The following PABPN1 variants were observed in gnomAD, a reference collection of about 807,000 sequenced individuals.
The protein encoded by PABPN1 is poly(A) binding protein nuclear 1.
PABPN1 carries 5 observed loss-of-function variants against 33.4 expected under a neutral mutation model. The observed-to-expected ratio is 0.15, with a 90% CI of 0.08 to 0.32. The LOEUF is 0.32. PABPN1 is among the 10% of genes least tolerant of loss of function. The pLI is 1.00. For missense variants in PABPN1, 312 were observed against 425.8 expected, an observed-to-expected ratio of 0.73 and a Z score of 2.35; for synonymous variants, 176 against 170.6, an observed-to-expected ratio of 1.03 and a Z score of -0.25.
chr14:23,324,251 CA>C lies in PABPN1; in HGVS notation c.844del (p.Ser282ValfsTer31). 6.2e-7 allele frequency: 1 copy of C among 1,614,046 alleles called. No homozygotes were observed. ...ACAACAGCTCCCGCTCTCGATTCTA[CA>C]GTGGTTTTAACAGCAGGCCCCGGGG... ...NYNSSRSRFYSGFNSRPRGRV... is the reference protein window; with the variant it reads ...NYNSSRSRFYXGFNSRPRGRV... On this transcript the variant is annotated frameshift_variant, in exon 6 of 7. Transcript: ENST00000216727. LOFTEE classifies it high-confidence loss of function.
At chr14:23,322,500 C>G (rs1251772489) in intron 2 of PABPN1, 2 of 605,448 alleles carry the variant, frequency 3.3e-6, no homozygotes, top group Non-Finnish European at 6.0e-6. Context: ...CCTTGTGCCT[C>G]CCTTTGTGCC....
rs1329497188 is a variant in PABPN1 at position 23,325,366 on chromosome 14, AAAAC to A, written c.*82_*85del. On this transcript the variant is annotated 3_prime_UTR_variant, in exon 7 of 7. Coordinates refer to ENST00000216727, the MANE Select transcript of PABPN1 (RefSeq NM_004643.4). ...AAAAGAATTAAAAAAAAAAAAAAGA[AAAAC>A]AGAAGATGACCTTGATGGAAAAAAA... is the stretch of plus-strand genomic sequence containing the variant. 6.8e-7 allele frequency: 1 copy of A among 1,481,112 alleles called. No homozygotes were observed. Among genetic ancestry groups the A allele is most frequent in the Non-Finnish European group, 9.1e-7 (1 of 1,102,230 alleles). The allele number at this position is 1,481,112 out of a possible 1,614,324, so 91.7% of individuals were successfully genotyped here. A position where few individuals can be genotyped will look rare whatever the true frequency, so the allele number is the denominator to read the frequency against.
At chr14:23,322,425 G>C (rs541000679) in intron 2 of PABPN1, 130 bp downstream of exon 2, 8 of 824,844 alleles carry the variant, frequency 9.7e-6, no homozygotes, top group African/African-American at 6.7e-5. Context: ...ACTGTGCCGC[G>C]GTCATAGTCC....
Position 23,322,161 on chromosome 14 carries a change from A to G in PABPN1, c.352-20A>G. The G allele has an allele frequency of 6.3e-7, 1 of 1,590,364 alleles. No individual in the cohort carries two copies. Among genetic ancestry groups the G allele is most frequent in the Non-Finnish European group, 8.6e-7 (1 of 1,168,162 alleles). Reference sequence around the variant, plus strand: ...TGGTTCCTCTTAAGCTGTCCTCCATACCCTCCCCACTTATATTAGGAGCTG... The same window carrying G: ...TGGTTCCTCTTAAGCTGTCCTCCATGCCCTCCCCACTTATATTAGGAGCTG... On this transcript the variant is annotated intron_variant, in intron 1 of 6. Coordinates refer to ENST00000216727, the MANE Select transcript of PABPN1 (RefSeq NM_004643.4).
chr14:23,322,655 G>A, intron 2 of PABPN1: 1 of 462,530 alleles, frequency 2.2e-6, no homozygotes, highest in Non-Finnish European at 3.9e-6. Flanking sequence ...AGCTGCAAGG[G>A]GTTTCCCCTT....
chr14:23,325,010 C>T, intron 6 of PABPN1: 2 of 485,404 alleles, frequency 4.1e-6, no homozygotes, highest in Non-Finnish European at 7.2e-6. Context: ...CTGTCTCTCA[C>T]TCAGATGCGC....
At position 23,325,437 on chromosome 14, in the gene PABPN1, T is replaced by A; in HGVS notation, c.*151T>A. 1.5e-4 allele frequency: 101 copies of A among 684,848 alleles called. No individual in the cohort carries two copies. Among genetic ancestry groups the A allele is most frequent in the Non-Finnish European group, 2.1e-4 (94 of 444,572 alleles). 42.4% of individuals were successfully genotyped at this position (684,848 alleles called of 1,614,324 possible). On this transcript the variant is annotated 3_prime_UTR_variant, in exon 7 of 7. Coordinates refer to ENST00000216727, the MANE Select transcript of PABPN1 (RefSeq NM_004643.4). ...AGATATACTGTGGAAGGGGGGAGAATCCCATAACTAACTGCTGAGGAGGGA... is the reference window on the plus strand; with the variant it reads ...AGATATACTGTGGAAGGGGGGAGAAACCCATAACTAACTGCTGAGGAGGGA...
At chr14:23,322,415 A>C (rs1273087299) in intron 2 of PABPN1, 120 bp downstream of exon 2, 1 of 875,464 alleles carries the variant, frequency 1.1e-6, no homozygotes, top group African/African-American at 1.7e-5. Flanking sequence ...AGCTATTATG[A>C]CTGTGCCGCG....
At chr14:23,322,109 G>C in intron 1 of PABPN1, 72 bp from the exon 2 acceptor site, 1 of 1,486,714 alleles carries the variant, frequency 6.7e-7, no homozygotes, top group African/African-American at 1.4e-5. Flanking sequence ...CCGCGCTCTG[G>C]CCGAGAGCAG....
chr14:23,321,720 C>T lies in PABPN1; in HGVS notation c.251C>T (p.Pro84Leu), dbSNP rs1888292179. 6 of 1,542,334 alleles carry T rather than the reference C, an allele frequency of 3.9e-6. No homozygotes were observed. In the Admixed American group the frequency reaches 5.9e-5, roughly 15 times the overall value. ...PPRPRAPPGAPGPGPGSGAPG... is the reference protein window; with the variant it reads ...PPRPRAPPGALGPGPGSGAPG... ...CGGCCCCGCGCCCCCCCGGGAGCTC[C>T]GGGCCCTGGGCCTGGTTCGGGAGCC... Residue 84 changes from proline to leucine, a missense_variant, in exon 1 of 7, where the codon CCG becomes CTG. By Grantham distance (98) the Pro-to-Leu change is moderately conservative. This residue lies in a region of PABPN1 where 167 missense variants were observed against 168.9 expected (regional missense o/e 0.99). Transcript: ENST00000216727.
Position 23,324,213 on chromosome 14 carries a change from C to T in PABPN1, c.805C>T (p.Arg269Trp), listed in dbSNP as rs758290474. Residue 269 changes from arginine (R) to tryptophan (W), a missense_variant, in exon 6 of 7, where the codon CGG becomes TGG. Around this residue, in one of 3 missense-constraint regions of PABPN1, gnomAD observed 68 missense variants for 71.1 expected, o/e 0.96. Coordinates refer to ENST00000216727, the MANE Select transcript of PABPN1 (RefSeq NM_004643.4). The part of the protein sequence containing the change: ...RGFPRARYRA[R>W]TTNYNSSRSR... ...TTTTCCACGAGCCCGCTACCGCGCC[C>T]GGACCACCAACTACAACAGCTCCCG... 7 of 1,614,180 alleles carry T rather than the reference C, an allele frequency of 4.3e-6. No individual in the cohort carries two copies. The highest frequency in any genetic ancestry group is 2.2e-5 in the East Asian group (1 of 44,884).
intron 2 of PABPN1, 69 bp downstream of exon 2, chr14:23,322,364 A>T: frequency 7.2e-7 from 1 of 1,391,582 alleles, no homozygotes; most frequent in East Asian, 2.5e-5. Flanking sequence ...AGGATGGGGA[A>T]TGTGGGGTTA....
At position 23,321,744 on chromosome 14, in the gene PABPN1, C is replaced by T; in HGVS notation, c.275C>T (p.Ala92Val). The T allele has an allele frequency of 1.3e-6, 2 of 1,538,414 alleles. No individual in the cohort carries two copies. Among genetic ancestry groups the T allele is most frequent in the East Asian group, 2.5e-5 (1 of 40,288 alleles). ...CCGGGCCCTGGGCCTGGTTCGGGAG[C>T]CCCCGGCAGCCAAGAGGAGGAGGAG... is the stretch of plus-strand genomic sequence containing the variant. The part of the protein sequence containing the change: ...GAPGPGPGSG[A>V]PGSQEEEEEP... The change falls in exon 1 of 7, where the codon GCC becomes GTC. Residue 92 changes from alanine (A) to valine (V), a missense_variant. Transcript: ENST00000216727.
intron 4 of PABPN1, 51 bp downstream of exon 4, chr14:23,323,534 G>C (rs1566468947): frequency 1.3e-6 from 2 of 1,512,486 alleles, no homozygotes; most frequent in African/African-American, 1.4e-5. Context: ...TGTACAAATA[G>C]ATAAATTATG....
At chr14:23,322,605 TC>T (rs1201508523) in intron 2 of PABPN1, 1 of 465,706 alleles carries the variant, frequency 2.1e-6, no homozygotes. Flanking sequence ...TAATAGTTTT[TC>T]CTCCAATTGG....
In PABPN1 at chr14:23,322,289, G is replaced by T. The variant is rs1434815340; in HGVS notation, c.460G>T (p.Gly154Cys). 2 of 1,600,836 alleles carry T rather than the reference G, an allele frequency of 1.2e-6. No individual in the cohort carries two copies. Among genetic ancestry groups the T allele is most frequent in the African/African-American group, 2.7e-5 (2 of 74,774 alleles). ...GCAGATGAATATGAGTCCACCTCCA[G>T]GCAATGGTGAGTAACTGGCGGTTGC... Reference protein sequence around the residue: ...EKQMNMSPPPGNAGPVIMSIE... With the variant: ...EKQMNMSPPPCNAGPVIMSIE... The change falls in exon 2 of 7, where the codon GGC becomes TGC. Residue 154 changes from glycine (G) to cysteine (C), a missense_variant. Coordinates refer to ENST00000216727, the MANE Select transcript of PABPN1 (RefSeq NM_004643.4).
At chr14:23,322,868 A>C in intron 2 of PABPN1, 131 bp from the exon 3 acceptor site, 6 of 1,135,934 alleles carry the variant, frequency 5.3e-6, no homozygotes, top group Non-Finnish European at 8.0e-6. Context: ...TGGGTACAGC[A>C]GGGAACAGCA....
chr14:23,325,237 T>C lies in PABPN1; in HGVS notation c.882-10T>C. The C allele has an allele frequency of 6.2e-7, 1 of 1,613,304 alleles. No homozygotes were observed. Among genetic ancestry groups the C allele is most frequent in the Non-Finnish European group, 8.5e-7 (1 of 1,179,904 alleles). ...TCACGTTAACACCTAACTCTCCTTC[T>C]TTCTTCCAGGGGCCGGGCTAGAGCG... On this transcript the variant is annotated splice_polypyrimidine_tract_variant and intron_variant, in intron 6 of 6. Coordinates refer to ENST00000216727, the MANE Select transcript of PABPN1 (RefSeq NM_004643.4).
At chr14:23,323,514 T>A in intron 4 of PABPN1, 31 bp downstream of exon 4, 1 of 1,565,394 alleles carries the variant, frequency 6.4e-7, no homozygotes. Context: ...TGAGATAATT[T>A]AAATTACAGT....
Sources: gnomAD v4.1 joint callset for allele counts on GRCh38, gnomAD v4.1.1 for gene constraint, gnomAD v4.1.1 regional missense constraint, MANE v1.5 for transcripts, NCBI Gene and HGNC (gene_info 2026-07-23, HGNC 2026-07-21) for gene names.